PRMT3: variants seen among roughly 807,000 people sequenced by gnomAD.
The protein encoded by PRMT3 is protein arginine methyltransferase 3.
A neutral mutation model predicts 71.9 loss-of-function variants in PRMT3; 62 were observed. The observed-to-expected ratio is 0.86, with a 90% CI of 0.70 to 1.07. PRMT3 has a LOEUF of 1.07. Ranked by LOEUF, PRMT3 falls within the 50% of genes least tolerant of loss-of-function variation. The pLI, the probability that PRMT3 is intolerant of heterozygous loss-of-function variation, is 0.00. For missense variants in PRMT3, 663 were observed against 643.0 expected (o/e 1.03, Z -0.34); for synonymous variants, 213 against 220.4 (o/e 0.97, Z 0.30).
At chr11:20,420,941 T>G (rs1849411884) in intron 9 of PRMT3, among the ~76,000 whole-genome samples, 1 of 152,232 alleles carries the variant, frequency 6.6e-6, no homozygotes, top group East Asian at 1.9e-4. Flanking sequence ...TTATGTATGT[T>G]TATGAATACA....
intron 8 of PRMT3, chr11:20,407,232 T>C (rs544557853): frequency 1.3e-5 from 2 of 152,340 alleles, no homozygotes; most frequent in East Asian, 3.9e-4. Flanking sequence ...TTTTTAGTTT[T>C]GTAAATGTTT....
intron 13 of PRMT3, among the ~76,000 whole-genome samples, chr11:20,469,841 A>G (rs1339505088): frequency 6.6e-6 from 1 of 152,144 alleles, no homozygotes; most frequent in African/African-American, 2.4e-5. Context: ...ATTAGCATGT[A>G]CCAGAATGAC....
chr11:20,394,051 G>A (rs1221093400), intron 5 of PRMT3, among the ~76,000 whole-genome samples: 1 of 152,188 alleles, frequency 6.6e-6, no homozygotes, highest in East Asian at 1.9e-4. Flanking sequence ...AACTTAGGCT[G>A]TAGTCTCTTA....
At chr11:20,400,890 G>A (rs151008912) in intron 7 of PRMT3, among the ~76,000 whole-genome samples, 56 of 151,620 alleles carry the variant, frequency 3.7e-4, no homozygotes, top group African/African-American at 1.2e-3. Context: ...TTGTATTGAC[G>A]TGTTAGCCTT....
At chr11:20,405,097 A>C (rs944731129) in intron 8 of PRMT3, among the ~76,000 whole-genome samples, 1 of 151,892 alleles carries the variant, frequency 6.6e-6, no homozygotes, top group Non-Finnish European at 1.5e-5. Flanking sequence ...TTCTCTCTCC[A>C]TCCCTTCCCA....
intron 9 of PRMT3, among the ~76,000 whole-genome samples, chr11:20,421,174 A>G (rs1849417716): frequency 6.6e-6 from 1 of 152,128 alleles, no homozygotes; most frequent in Non-Finnish European, 1.5e-5. Flanking sequence ...AGTAGCCGGG[A>G]CCACAGGCTC....
chr11:20,504,354 A>G (rs940363958), intron 15 of PRMT3, among the ~76,000 whole-genome samples: 2 of 152,186 alleles, frequency 1.3e-5, no homozygotes, highest in Non-Finnish European at 2.9e-5. Flanking sequence ...AGGGATCTGT[A>G]TGTCTGTCCT....
In PRMT3 at chr11:20,387,815, C is replaced by T. The variant is rs1415993389; in HGVS notation, c.28+41C>T. 2 of 1,540,384 alleles carry T rather than the reference C, an allele frequency of 1.3e-6. No homozygotes were observed. On this transcript the variant is annotated intron_variant, in intron 1 of 15. Coordinates refer to ENST00000331079, the MANE Select transcript of PRMT3 (RefSeq NM_005788.4). This position sits in a 1 kb window ranked among gnomAD's most constrained non-coding sequence, Gnocchi z 4.3. ...CCTCAGCACCCGGCTCGTCCAGCCC[C>T]AGGCCGCGCCGCTGTGGGGCCGGTG... is the stretch of plus-strand genomic sequence containing the variant.
In PRMT3 at chr11:20,479,689, C is replaced by T. The variant is rs1565231324; in HGVS notation, c.1348-14230C>T. Among the ~76,000 whole-genome samples, 15 of 152,192 alleles carry T rather than the reference C, an allele frequency of 9.9e-5. No individual in the cohort carries two copies. The South Asian group carries it at 2.9e-3, about 29-fold the overall frequency. ...TTGATAGTATTTTTTTAAAGAATCTCACAACAATAAGAAACGCCTAAGAGT... is the reference window on the plus strand; with the variant it reads ...TTGATAGTATTTTTTTAAAGAATCTTACAACAATAAGAAACGCCTAAGAGT... On this transcript the variant is annotated intron_variant, in intron 13 of 15. Coordinates refer to ENST00000331079, the MANE Select transcript of PRMT3 (RefSeq NM_005788.4).
At chr11:20,440,105 A>C (rs1452504162) in intron 10 of PRMT3, among the ~76,000 whole-genome samples, 1 of 152,236 alleles carries the variant, frequency 6.6e-6, no homozygotes, top group African/African-American at 2.4e-5. Flanking sequence ...AAGTGGAGTA[A>C]AGTTCTAAAT....
intron 10 of PRMT3, among the ~76,000 whole-genome samples, chr11:20,450,100 A>G (rs1321674143): frequency 1.3e-5 from 2 of 152,202 alleles, no homozygotes; most frequent in African/African-American, 4.8e-5. Context: ...ATAGAATACT[A>G]GAAAACAATT....
intron 13 of PRMT3, among the ~76,000 whole-genome samples, chr11:20,467,932 C>T (rs747713791): frequency 6.6e-6 from 1 of 152,088 alleles, no homozygotes; most frequent in Non-Finnish European, 1.5e-5. Context: ...AGCTCCTTAC[C>T]CTCCCTCCTA....
At chr11:20,490,726 G>A (rs1418688341) in intron 13 of PRMT3, among the ~76,000 whole-genome samples, 3 of 152,040 alleles carry the variant, frequency 2.0e-5, no homozygotes, top group Non-Finnish European at 2.9e-5. Flanking sequence ...AAAGATGAGA[G>A]GCTGTTACAT....
Position 20,439,623 on chromosome 11 carries a change from C to T in PRMT3, c.994-12507C>T, listed in dbSNP as rs182519822. Among the ~76,000 whole-genome samples the T allele has an allele frequency of 2.0e-5, 3 of 152,062 alleles. No individual in the cohort carries two copies. The East Asian group carries it at 5.8e-4, about 29-fold the overall frequency. On this transcript the variant is annotated intron_variant, in intron 10 of 15. Transcript: ENST00000331079. ...GACATTGTAGTATTGGGGGAGGTGT[C>T]CATTTTAGAACTGATGAAATACTGT...
intron 10 of PRMT3, among the ~76,000 whole-genome samples, chr11:20,450,019 A>G (rs992751859): frequency 2.0e-5 from 3 of 152,174 alleles, no homozygotes; most frequent in Non-Finnish European, 2.9e-5. Flanking sequence ...TTGATGAAAG[A>G]AAAAGAAAGG....
intron 10 of PRMT3, among the ~76,000 whole-genome samples, chr11:20,438,179 G>A (rs1245970699): frequency 6.6e-6 from 1 of 152,022 alleles, no homozygotes; most frequent in Non-Finnish European, 1.5e-5. Context: ...CCCTCCAGCA[G>A]CTCGGAACCA....
intron 13 of PRMT3, among the ~76,000 whole-genome samples, chr11:20,483,479 G>T (rs1197954452): frequency 6.6e-6 from 1 of 151,418 alleles, no homozygotes; most frequent in Non-Finnish European, 1.5e-5. Context: ...GAAAACCGAT[G>T]ATGTGTGAGG....
At chr11:20,451,304 A>C (rs1473714455) in intron 10 of PRMT3, among the ~76,000 whole-genome samples, 1 of 152,000 alleles carries the variant, frequency 6.6e-6, no homozygotes, top group Non-Finnish European at 1.5e-5. Context: ...GATGTTAAAT[A>C]GAAAAAAAAA....
At chr11:20,450,055 A>T (rs1850114515) in intron 10 of PRMT3, among the ~76,000 whole-genome samples, 1 of 152,162 alleles carries the variant, frequency 6.6e-6, no homozygotes, top group African/African-American at 2.4e-5. Flanking sequence ...ACATCAGAGA[A>T]ATTCTTTGTG....
Sources: allele counts gnomAD v4.1 joint callset (sites outside exome capture counted in the v4.1 genomes callset), GRCh38; gene constraint gnomAD v4.1.1; non-coding constraint Gnocchi (gnomAD v3.1); transcripts MANE v1.5; gene names NCBI Gene and HGNC (gene_info 2026-07-23, HGNC 2026-07-21).